Variants in MYO16 observed in about 807,000 individuals in gnomAD.
MYO16 encodes unconventional myosin-XVI.
MYO16 carries 94 observed loss-of-function variants against 205.3 expected under a neutral mutation model. That is an observed-to-expected ratio of 0.46 (90% CI 0.39 to 0.54). The LOEUF is 0.54. MYO16 is among the 20% of genes least tolerant of loss of function. MYO16 has a pLI of 0.00. For synonymous variants in MYO16, 988 were observed against 954.0 expected (o/e 1.04, Z -0.66); for missense variants, 2,315 against 2,387.5 (o/e 0.97, Z 0.63).
chr13:108,559,706 G>A, the MYO16 span, among the ~76,000 whole-genome samples: 2 of 151,892 alleles, frequency 1.3e-5, no homozygotes, highest in East Asian at 2.0e-4. Context: ...TCCTGACCTC[G>A]TGATCCGCCC....
chr13:109,080,344 G>T (rs1888245204), intron 27 of MYO16, among the ~76,000 whole-genome samples: 1 of 152,162 alleles, frequency 6.6e-6, no homozygotes, highest in Non-Finnish European at 1.5e-5. Context: ...ATAAAATGAT[G>T]ATGCTAGACG....
chr13:109,009,771 T>G (rs1594466134), intron 22 of MYO16, among the ~76,000 whole-genome samples: 3 of 152,160 alleles, frequency 2.0e-5, no homozygotes, highest in Admixed American at 2.0e-4. Flanking sequence ...CTAAATTATT[T>G]TATTTTATGA....
intron 20 of MYO16, among the ~76,000 whole-genome samples, chr13:108,970,561 C>G (rs78204703): frequency 2.0e-5 from 3 of 152,240 alleles, no homozygotes; most frequent in East Asian, 1.9e-4. Flanking sequence ...CCTGGGCTGC[C>G]GCACCCCAGT....
intron 1 of MYO16, among the ~76,000 whole-genome samples, chr13:108,613,338 G>A (rs985689488): frequency 2.0e-5 from 3 of 152,084 alleles, no homozygotes; most frequent in Non-Finnish European, 4.4e-5. Context: ...TTCTGGATAT[G>A]CTGAAGACAT....
rs149500186 is a variant in MYO16, at chr13:109,002,132, G to T, written c.2443-6765G>T. Reference sequence around the variant, plus strand: ...GCCTGCACCCCACTCCAATTTAATTGGTTTGGGGTCAGGCCCAGACATTAG... The same window carrying T: ...GCCTGCACCCCACTCCAATTTAATTTGTTTGGGGTCAGGCCCAGACATTAG... On this transcript the variant is annotated intron_variant, in intron 21 of 34. Coordinates refer to ENST00000457511, the MANE Select transcript of MYO16 (RefSeq NM_001198950.3). 3.5e-4 allele frequency among the ~76,000 whole-genome samples: 53 copies of T among 152,196 alleles called. 1 individual carries two copies. In the East Asian group the frequency reaches 7.5e-3, roughly 22 times the overall value.
intron 2 of MYO16, among the ~76,000 whole-genome samples, chr13:108,676,370 C>CACGTGTGT (rs1245845490): frequency 4.8e-4 from 13 of 27,260 alleles, no homozygotes; most frequent in Middle Eastern, 0.025. Flanking sequence ...ATTATATGTA[C>CACGTGTGT]GCGTGTGTGT....
At chr13:108,936,340 A>G (rs1292510566) in intron 16 of MYO16, among the ~76,000 whole-genome samples, 1 of 152,110 alleles carries the variant, frequency 6.6e-6, no homozygotes, top group Non-Finnish European at 1.5e-5. Flanking sequence ...TTTGCTGTGA[A>G]TCAGTCTGGT....
chr13:108,945,745 C>G (rs1882914445), intron 16 of MYO16, among the ~76,000 whole-genome samples: 1 of 151,998 alleles, frequency 6.6e-6, no homozygotes, highest in African/African-American at 2.4e-5. Flanking sequence ...GATAAGTTTA[C>G]CTCAGTAGGT....
intron 1 of MYO16, among the ~76,000 whole-genome samples, chr13:108,621,225 C>A (rs1373913026): frequency 6.6e-6 from 1 of 152,078 alleles, no homozygotes; most frequent in Non-Finnish European, 1.5e-5. Flanking sequence ...AGTGTATAAT[C>A]TTTGTAAGCT....
intron 34 of MYO16, among the ~76,000 whole-genome samples, chr13:109,203,220 T>A (rs979485427): frequency 4.6e-5 from 7 of 152,156 alleles, no homozygotes; most frequent in Non-Finnish European, 7.3e-5. Context: ...ACTGAAGAAC[T>A]TTTGTATGGC....
chr13:108,543,387 G>A, the MYO16 span, among the ~76,000 whole-genome samples: 1 of 152,176 alleles, frequency 6.6e-6, no homozygotes, highest in Non-Finnish European at 1.5e-5. Flanking sequence ...GCTCACGCCT[G>A]TAATCCCAGC....
At chr13:109,139,567 A>T (rs537994740) in intron 31 of MYO16, among the ~76,000 whole-genome samples, 41 of 152,330 alleles carry the variant, frequency 2.7e-4, no homozygotes, top group African/African-American at 9.6e-4. Context: ...TTAAAGAAGG[A>T]AGTGGCTTTA....
At chr13:108,765,241 C>T (rs1396610621) in intron 4 of MYO16, among the ~76,000 whole-genome samples, 1 of 152,138 alleles carries the variant, frequency 6.6e-6, no homozygotes, top group African/African-American at 2.4e-5. Flanking sequence ...TATGCAGTTG[C>T]ATTATATAAA....
At chr13:108,527,580 AT>A in the MYO16 span, among the ~76,000 whole-genome samples, 1 of 152,280 alleles carries the variant, frequency 6.6e-6, no homozygotes, top group South Asian at 2.1e-4. Context: ...TAAAGAAATC[AT>A]TTTGCAAGGA....
At chr13:108,721,647 G>A (rs1365150800) in intron 3 of MYO16, among the ~76,000 whole-genome samples, 2 of 152,146 alleles carry the variant, frequency 1.3e-5, no homozygotes, top group Non-Finnish European at 2.9e-5. Flanking sequence ...CATAAGGATT[G>A]GGTAAATCTT....
At chr13:108,832,263 C>T (rs1876664121) in intron 9 of MYO16, among the ~76,000 whole-genome samples, 1 of 151,686 alleles carries the variant, frequency 6.6e-6, no homozygotes, top group Non-Finnish European at 1.5e-5. Context: ...CTGCCTCAGC[C>T]TCTTGAGTAG....
intron 6 of MYO16, among the ~76,000 whole-genome samples, chr13:108,805,503 T>C (rs1887086393): frequency 1.3e-5 from 2 of 152,150 alleles, no homozygotes; most frequent in Admixed American, 1.3e-4. Context: ...GCTACAAAAT[T>C]CCGTGCTATC....
At chr13:109,045,367 G>T (rs1384510214) in intron 23 of MYO16, among the ~76,000 whole-genome samples, 1 of 152,224 alleles carries the variant, frequency 6.6e-6, no homozygotes. Flanking sequence ...TGGAGGCTAT[G>T]ATTGAGAACC....
intron 27 of MYO16, among the ~76,000 whole-genome samples, chr13:109,062,798 A>T (rs929625105): frequency 2.6e-5 from 4 of 152,112 alleles, no homozygotes; most frequent in African/African-American, 9.7e-5. Context: ...CAATGGAAAC[A>T]TCATTATAAA....
Sources: gnomAD v4.1 joint callset for allele counts (sites outside exome capture counted in the v4.1 genomes callset) on GRCh38, gnomAD v4.1.1 for gene constraint, MANE v1.5 for transcripts, NCBI Gene and HGNC (gene_info 2026-07-23, HGNC 2026-07-21) for gene names.